Variants in ERAP2 observed in about 807,000 individuals in gnomAD.
The protein encoded by ERAP2 is leukocyte-derived arginine aminopeptidase.
A neutral mutation model predicts 111.1 loss-of-function variants in ERAP2; 118 were observed. The ratio of observed to expected loss-of-function variants is 1.06; its 90% CI spans 0.92 to 1.24. ERAP2 has a LOEUF of 1.24. Ranked by LOEUF, ERAP2 falls within the 50% of genes most tolerant of loss-of-function variation. The pLI, the probability that ERAP2 is intolerant of heterozygous loss-of-function variation, is 0.00. For missense variants in ERAP2, 1,131 were observed against 1,125.8 expected (o/e 1.00, Z -0.07); for synonymous variants, 410 against 401.2 (o/e 1.02, Z -0.26).
Position 96,900,146 on chromosome 5 carries a change from C to G in ERAP2, c.1529C>G (p.Ser510Cys), listed in dbSNP as rs750166587. 7.4e-6 allele frequency: 12 copies of G among 1,613,690 alleles called. No homozygotes were observed. Among genetic ancestry groups the G allele is most frequent in the Non-Finnish European group, 1.0e-5 (12 of 1,179,830 alleles). Residue 510 changes from serine (S) to cysteine (C), a missense_variant, in exon 10 of 19, where the codon TCT (serine) becomes TGT (cysteine). Transcript: ENST00000437043. ...SNSCLESDFT[S>C]GGVCHSDPKM... ...AGTTGTTTAGAAAGTGATTTTACAT[C>G]TGGTGGAGTTTGTCATTCGGATCCC...
At chr5:96,895,453 A>C in intron 7 of ERAP2, 94 bp downstream of exon 7, 1 of 905,770 alleles carries the variant, frequency 1.1e-6, no homozygotes, top group South Asian at 1.5e-5. Flanking sequence ...GAAAAACTAC[A>C]TAATGTTGTG....
intron 6 of ERAP2, among the ~76,000 whole-genome samples, chr5:96,893,370 G>A (rs1271205848): frequency 1.3e-5 from 2 of 152,106 alleles, no homozygotes; most frequent in African/African-American, 2.4e-5. Context: ...CCACAATAAT[G>A]AGCTGTTGTT....
rs141639962 is a variant in ERAP2 at position 96,882,464 on chromosome 5, C to T, written c.576-1328C>T. Among the ~76,000 whole-genome samples, 394 of 152,322 alleles carry T rather than the reference C, an allele frequency of 2.6e-3. 6 individuals are homozygous for T. Among genetic ancestry groups the T allele is most frequent in the Admixed American group, 0.022 (340 of 15,294 alleles). On this transcript the variant is annotated intron_variant, in intron 2 of 18. Coordinates refer to ENST00000437043, the MANE Select transcript of ERAP2 (RefSeq NM_022350.5). ...TAGGTCTGACATGTATGATAATGTACTGCACAATGTCAATTGAATCTTATG... is the reference window on the plus strand; with the variant it reads ...TAGGTCTGACATGTATGATAATGTATTGCACAATGTCAATTGAATCTTATG...
At chr5:96,910,960 T>C (rs1786667448) in intron 15 of ERAP2, among the ~76,000 whole-genome samples, 1 of 152,216 alleles carries the variant, frequency 6.6e-6, no homozygotes, top group Non-Finnish European at 1.5e-5. Context: ...TTACCAATTG[T>C]TATAAAGTTG....
intron 5 of ERAP2, among the ~76,000 whole-genome samples, chr5:96,891,555 CA>C (rs1784397043): frequency 6.9e-6 from 1 of 145,080 alleles, no homozygotes; most frequent in African/African-American, 2.6e-5. Flanking sequence ...CACACACACA[CA>C]CACACACATA....
chr5:96,891,618 C>T lies in ERAP2; in HGVS notation c.971-681C>T, dbSNP rs563541574. ...ACGTAATGCAAATTAGTGCATTATA[C>T]CTGAGTTGTTTAAATCATTAGATTG... On this transcript the variant is annotated intron_variant, in intron 5 of 18. Transcript: ENST00000437043. Among the ~76,000 whole-genome samples the T allele has an allele frequency of 2.0e-5, 3 of 150,782 alleles. No homozygotes were observed. In the East Asian group the frequency reaches 5.9e-4, roughly 29 times the overall value.
chr5:96,901,459 G>A, intron 10 of ERAP2, 47 bp from the exon 11 acceptor site: 1 of 1,588,108 alleles, frequency 6.3e-7, no homozygotes, highest in Non-Finnish European at 8.6e-7. Context: ...CTCTGTCTTT[G>A]GATTGTCTCC....
Position 96,879,642 on chromosome 5 carries a change from G to A in ERAP2, c.-44G>A, listed in dbSNP as rs750090264. The A allele has an allele frequency of 3.2e-6, 5 of 1,543,998 alleles. No individual in the cohort carries two copies. Among genetic ancestry groups the A allele is most frequent in the East Asian group, 2.3e-5 (1 of 44,278 alleles). ...CCAGTGCAGTGCCATGAAGAACTACGAGATTAGCCTGGATATTAACTTGTC... is the reference window on the plus strand; with the variant it reads ...CCAGTGCAGTGCCATGAAGAACTACAAGATTAGCCTGGATATTAACTTGTC... On this transcript the variant is annotated 5_prime_UTR_variant, in exon 2 of 19. Coordinates refer to ENST00000437043, the MANE Select transcript of ERAP2 (RefSeq NM_022350.5).
intron 2 of ERAP2, among the ~76,000 whole-genome samples, chr5:96,882,009 T>C (rs773497931): frequency 3.9e-5 from 6 of 152,166 alleles, no homozygotes; most frequent in Non-Finnish European, 7.4e-5. Flanking sequence ...CTGTGTCTAC[T>C]ACATCCTGCT....
chr5:96,917,584 T>C lies in ERAP2; in HGVS notation c.2862T>C (p.Thr954=). 6.2e-7 allele frequency: 1 copy of C among 1,613,702 alleles called. No individual in the cohort carries two copies. Among genetic ancestry groups the C allele is most frequent in the South Asian group, 1.1e-5 (1 of 91,054 alleles). Residue 954 remains threonine (T), a synonymous_variant, in exon 19 of 19, where the codon ACT becomes ACC. Coordinates refer to ENST00000437043, the MANE Select transcript of ERAP2 (RefSeq NM_022350.5). Reference sequence around the variant, plus strand: ...AGAAGAATCTTCCGACTCTGAGGACTTGGCTAATGGTTAATACTTAAATGG... The same window carrying C: ...AGAAGAATCTTCCGACTCTGAGGACCTGGCTAATGGTTAATACTTAAATGG... ...WLEKNLPTLR[T]WLMVNT is the part of the protein sequence containing the mutation.
intron 4 of ERAP2, among the ~76,000 whole-genome samples, chr5:96,887,116 C>CAA (rs1783832798): frequency 6.7e-6 from 1 of 149,098 alleles, no homozygotes; most frequent in Non-Finnish European, 1.5e-5. Context: ...CACACACACA[C>CAA]ACACACACAC....
chr5:96,889,200 T>G lies in ERAP2; in HGVS notation c.865T>G (p.Ser289Ala), dbSNP rs117041256. The change falls in exon 5 of 19, where the codon TCC becomes GCC. Residue 289 changes from serine to alanine, a missense_variant. By Grantham distance (99) the Ser-to-Ala change is moderately conservative. This residue lies in a region of ERAP2 where 847 missense variants were observed against 856.5 expected (regional missense o/e 0.99). Coordinates refer to ENST00000437043, the MANE Select transcript of ERAP2 (RefSeq NM_022350.5). Reference sequence around the variant, plus strand: ...CATTTCCCAGGTGTCCATCTATGCATCCCCAGACAAACGGAATCAAACACA... The same window carrying G: ...CATTTCCCAGGTGTCCATCTATGCAGCCCCAGACAAACGGAATCAAACACA... ...SSGVKVSIYA[S>A]PDKRNQTHYA... The G allele has an allele frequency of 8.2e-3, 13,288 of 1,614,098 alleles. 345 individuals are homozygous for G. The highest frequency in any genetic ancestry group is 0.076 in the East Asian group (3,431 of 44,870).
In ERAP2 at chr5:96,915,713, A is replaced by C. The variant is rs763855665; in HGVS notation, c.2683A>C (p.Arg895=). Residue 895 remains arginine, a synonymous_variant, in exon 18 of 19, where the codon AGG becomes CGG. Coordinates refer to ENST00000437043, the MANE Select transcript of ERAP2 (RefSeq NM_022350.5). ...ATTTGACTTGGGCTCATATGACATAAGGATGATCATCTCTGGCACAACAGC... is the reference window on the plus strand; with the variant it reads ...ATTTGACTTGGGCTCATATGACATACGGATGATCATCTCTGGCACAACAGC... ...KKFDLGSYDI[R]MIISGTTAHF... is the part of the protein sequence containing the mutation. 2 of 1,593,802 alleles carry C rather than the reference A, an allele frequency of 1.3e-6. No homozygotes were observed. Among genetic ancestry groups the C allele is most frequent in the Non-Finnish European group, 1.7e-6 (2 of 1,171,028 alleles).
At chr5:96,915,895 C>A in intron 18 of ERAP2, 126 bp downstream of exon 18, 1 of 716,844 alleles carries the variant, frequency 1.4e-6, no homozygotes, top group Non-Finnish European at 2.2e-6. Context: ...TTGTCCAATG[C>A]CATATAGCAA....
At chr5:96,889,851 C>A (rs988558387) in intron 5 of ERAP2, among the ~76,000 whole-genome samples, 3 of 152,016 alleles carry the variant, frequency 2.0e-5, no homozygotes, top group Non-Finnish European at 4.4e-5. Context: ...CACACACACA[C>A]ACACACACAC....
At chr5:96,916,338 T>C (rs1787381385) in intron 18 of ERAP2, among the ~76,000 whole-genome samples, 1 of 151,934 alleles carries the variant, frequency 6.6e-6, no homozygotes, top group Non-Finnish European at 1.5e-5. Context: ...ACTTGAGAGG[T>C]GAGCCCTTTT....
Position 96,887,081 on chromosome 5 carries a change from A to G in ERAP2, c.849+292A>G, listed in dbSNP as rs1371161516. Among the ~76,000 whole-genome samples the G allele has an allele frequency of 2.0e-3, 157 of 76,700 alleles. 1 individual carries two copies. Among genetic ancestry groups the G allele is most frequent in the Non-Finnish European group, 3.2e-3 (124 of 38,410 alleles). The allele number at this position is 76,700 out of a possible 152,430, so 50.3% of individuals were successfully genotyped here. A position where few individuals can be genotyped will look rare whatever the true frequency, so the allele number is the denominator to read the frequency against. On this transcript the variant is annotated intron_variant, in intron 4 of 18. Coordinates refer to ENST00000437043, the MANE Select transcript of ERAP2 (RefSeq NM_022350.5). ...TAAAGGTAATTTTCAAAGTATATAT[A>G]TATATATATATATATATATACACAC...
intron 9 of ERAP2, among the ~76,000 whole-genome samples, chr5:96,899,604 T>C (rs1022402615): frequency 6.6e-6 from 1 of 152,216 alleles, no homozygotes; most frequent in African/African-American, 2.4e-5. Context: ...TCTTATTTTA[T>C]TCCCAGTTAG....
intron 7 of ERAP2, among the ~76,000 whole-genome samples, chr5:96,896,098 C>T (rs971376931): frequency 6.6e-6 from 1 of 152,024 alleles, no homozygotes; most frequent in African/African-American, 2.4e-5. Flanking sequence ...AAATGGAAAC[C>T]ATTATTTTAT....
Sources: gnomAD v4.1 joint callset for allele counts (sites outside exome capture counted in the v4.1 genomes callset) on GRCh38, gnomAD v4.1.1 for gene constraint, gnomAD v4.1.1 regional missense constraint, MANE v1.5 for transcripts, NCBI Gene and HGNC (gene_info 2026-07-23, HGNC 2026-07-21) for gene names.